The following UNC5C variants were observed in gnomAD, a reference collection of about 807,000 sequenced individuals.
UNC5C encodes netrin receptor UNC5C.
Under a neutral mutation model 99.8 loss-of-function variants are expected in UNC5C, and 47 were observed. The ratio of observed to expected loss-of-function variants is 0.47; its 90% CI spans 0.37 to 0.60. The LOEUF is 0.60. Ranked by LOEUF, UNC5C falls within the 20% of genes least tolerant of loss-of-function variation. The pLI, the probability that UNC5C is intolerant of heterozygous loss-of-function variation, is 0.00. For missense variants in UNC5C, 1,062 were observed against 1,165.9 expected, an observed-to-expected ratio of 0.91 and a Z score of 1.30; for synonymous variants, 487 against 452.2, an observed-to-expected ratio of 1.08 and a Z score of -0.98.
At chr4:95,523,690 A>C (rs1722422186) in intron 1 of UNC5C, among the ~76,000 whole-genome samples, 1 of 152,240 alleles carries the variant, frequency 6.6e-6, no homozygotes, top group South Asian at 2.1e-4. Context: ...AATTAATAAC[A>C]AAATAATTTT....
At chr4:95,296,227 T>A (rs993321854) in intron 3 of UNC5C, among the ~76,000 whole-genome samples, 1 of 152,248 alleles carries the variant, frequency 6.6e-6, no homozygotes, top group Non-Finnish European at 1.5e-5. Flanking sequence ...CATATCTTTA[T>A]GAGTCAATCT....
intron 1 of UNC5C, among the ~76,000 whole-genome samples, chr4:95,369,080 A>G (rs1424058823): frequency 6.6e-6 from 1 of 151,854 alleles, no homozygotes; most frequent in Middle Eastern, 3.2e-3. Flanking sequence ...ACTGGTCCTT[A>G]ACTCCTGGCC....
chr4:95,495,770 C>G (rs1721614015), intron 1 of UNC5C, among the ~76,000 whole-genome samples: 2 of 151,654 alleles, frequency 1.3e-5, no homozygotes, highest in African/African-American at 4.8e-5. Context: ...CTATCATCCT[C>G]ATTTTAAAAT....
chr4:95,330,839 T>C (rs1184089127), intron 2 of UNC5C, among the ~76,000 whole-genome samples: 2 of 152,106 alleles, frequency 1.3e-5, no homozygotes, highest in Non-Finnish European at 2.9e-5. Context: ...TAGTAATTTA[T>C]GGGATATAAG....
chr4:95,431,237 C>T (rs1746627265), intron 1 of UNC5C, among the ~76,000 whole-genome samples: 1 of 152,006 alleles, frequency 6.6e-6, no homozygotes, highest in Non-Finnish European at 1.5e-5. Flanking sequence ...TATGCTCACC[C>T]CCATACCACT....
intron 1 of UNC5C, among the ~76,000 whole-genome samples, chr4:95,410,467 TA>T (rs1745948859): frequency 6.6e-6 from 1 of 152,194 alleles, no homozygotes; most frequent in Non-Finnish European, 1.5e-5. Context: ...TTCACTAAAA[TA>T]CCCCATTATT....
At chr4:95,467,630 A>T (rs1470630861) in intron 1 of UNC5C, among the ~76,000 whole-genome samples, 1 of 152,150 alleles carries the variant, frequency 6.6e-6, no homozygotes, top group Non-Finnish European at 1.5e-5. Context: ...ACTGCATAAA[A>T]GTATTGATTC....
At chr4:95,400,316 G>T (rs1294795929) in intron 1 of UNC5C, among the ~76,000 whole-genome samples, 1 of 150,246 alleles carries the variant, frequency 6.7e-6, no homozygotes, top group Non-Finnish European at 1.5e-5. Context: ...TGGGAGCTCA[G>T]AGCAGACCTT....
intron 1 of UNC5C, among the ~76,000 whole-genome samples, chr4:95,419,624 T>A (rs1439973627): frequency 6.6e-6 from 1 of 152,132 alleles, no homozygotes; most frequent in Non-Finnish European, 1.5e-5. Flanking sequence ...AAACATATAT[T>A]TATTGAGTGC....
At chr4:95,333,659 C>T (rs1040699768) in intron 2 of UNC5C, among the ~76,000 whole-genome samples, 1 of 152,058 alleles carries the variant, frequency 6.6e-6, no homozygotes, top group Non-Finnish European at 1.5e-5. Context: ...CAACATGGCA[C>T]ATGTATACAT....
At chr4:95,352,939 T>A (rs921195388) in intron 1 of UNC5C, among the ~76,000 whole-genome samples, 1 of 152,158 alleles carries the variant, frequency 6.6e-6, no homozygotes, top group African/African-American at 2.4e-5. Flanking sequence ...CAGCTTCTGC[T>A]GGAAACTTTC....
intron 1 of UNC5C, among the ~76,000 whole-genome samples, chr4:95,448,227 T>TGTGTGA (rs1339694230): frequency 2.0e-5 from 2 of 100,140 alleles, no homozygotes; most frequent in South Asian, 3.7e-4. Context: ...TGTGTGTGTG[T>TGTGTGA]GAGAGAGAGA....
intron 1 of UNC5C, among the ~76,000 whole-genome samples, chr4:95,443,858 A>G (rs1187430249): frequency 6.6e-6 from 1 of 152,220 alleles, no homozygotes; most frequent in Non-Finnish European, 1.5e-5. Flanking sequence ...CTTGAATAAT[A>G]CAAACACCCT....
intron 12 of UNC5C, among the ~76,000 whole-genome samples, chr4:95,196,655 G>GA (rs1434803456): frequency 1.0e-4 from 15 of 147,376 alleles, no homozygotes; most frequent in South Asian, 2.1e-4. Context: ...GTAGGGAGAA[G>GA]AAAAAATGCA....
chr4:95,180,932 A>T (rs1451176787), intron 14 of UNC5C, among the ~76,000 whole-genome samples: 1 of 152,082 alleles, frequency 6.6e-6, no homozygotes, highest in African/African-American at 2.4e-5. Flanking sequence ...CCCTTTCTTG[A>T]AGGTTTTGTT....
At chr4:95,203,631 G>A (rs1579228213) in intron 11 of UNC5C, among the ~76,000 whole-genome samples, 1 of 151,974 alleles carries the variant, frequency 6.6e-6, no homozygotes, top group Admixed American at 6.6e-5. Flanking sequence ...AACCACACCT[G>A]GCTAATTTTT....
In UNC5C at chr4:95,184,983, A is replaced by G. The variant is rs1307996995; in HGVS notation, c.2286+64T>C. 26 of 1,458,210 alleles carry G rather than the reference A, an allele frequency of 1.8e-5. 1 individual carries two copies. The South Asian group carries it at 2.6e-4, about 15-fold the overall frequency. The allele number at this position is 1,458,210 out of a possible 1,614,324, so 90.3% of individuals were successfully genotyped here. On this transcript the variant is annotated intron_variant, in intron 13 of 15. Coordinates refer to ENST00000453304, the MANE Select transcript of UNC5C (RefSeq NM_003728.4). ...TCAAGGAAGGGGATTTCCTATGTCT[A>G]TATAATTTTAGACCTCTTTCTTAGA...
At chr4:95,186,673 C>CTAGT (rs1033478241) in intron 12 of UNC5C, among the ~76,000 whole-genome samples, 2 of 152,156 alleles carry the variant, frequency 1.3e-5, no homozygotes, top group African/African-American at 4.8e-5. Context: ...AGGGCGTCCT[C>CTAGT]TAGTTAGTAT....
At chr4:95,468,636 T>C (rs1294289170) in intron 1 of UNC5C, among the ~76,000 whole-genome samples, 1 of 152,168 alleles carries the variant, frequency 6.6e-6, no homozygotes, top group East Asian at 1.9e-4. Context: ...GGTGTAATTC[T>C]TCCAAACCTT....
Sources: gnomAD v4.1 joint callset for allele counts (sites outside exome capture counted in the v4.1 genomes callset) on GRCh38, gnomAD v4.1.1 for gene constraint, MANE v1.5 for transcripts, NCBI Gene and HGNC (gene_info 2026-07-23, HGNC 2026-07-21) for gene names.